PACRG: variants seen among roughly 807,000 people sequenced by gnomAD.
The protein encoded by PACRG is parkin coregulated gene protein.
A neutral mutation model predicts 29.7 loss-of-function variants in PACRG; 29 were observed. That is an observed-to-expected ratio of 0.98 (90% CI 0.73 to 1.33). The LOEUF (loss-of-function observed/expected upper bound fraction) is 1.33. Ranked by LOEUF, PACRG falls within the 40% of genes most tolerant of loss-of-function variation. PACRG has a pLI of 0.00. For missense variants in PACRG, 279 were observed against 316.2 expected (o/e 0.88, Z 0.89); for synonymous variants, 116 against 118.7 (o/e 0.98, Z 0.15).
At chr6:163,228,994 CT>C (rs1338857990) in intron 4 of PACRG, among the ~76,000 whole-genome samples, 1 of 152,220 alleles carries the variant, frequency 6.6e-6, no homozygotes, top group Non-Finnish European at 1.5e-5. Flanking sequence ...GAATCTCCTT[CT>C]GATGTTTTGT....
intron 4 of PACRG, among the ~76,000 whole-genome samples, chr6:163,274,919 G>A (rs1783974724): frequency 7.2e-6 from 1 of 139,166 alleles, no homozygotes; most frequent in Non-Finnish European, 1.5e-5. Flanking sequence ...GAATGATGCA[G>A]TAGCATGATC....
Position 163,312,357 on chromosome 6 carries a change from A to G in PACRG, c.614-2470A>G, listed in dbSNP as rs554664137. ...TGTCACGCAGGGTCCTCCCACCAGC[A>G]CCTCTGTTCAAATCCCCTGTTGCTT... On this transcript the variant is annotated intron_variant, in intron 4 of 4. Coordinates refer to ENST00000366888, the MANE Select transcript of PACRG (RefSeq NM_001080379.2). Among the ~76,000 whole-genome samples the G allele has an allele frequency of 9.2e-5, 14 of 152,124 alleles. 1 individual carries two copies. In the South Asian group the frequency reaches 2.7e-3, roughly 29 times the overall value.
intron 2 of PACRG, among the ~76,000 whole-genome samples, chr6:162,947,595 C>CATATATATATATATAT (rs59243050): frequency 7.1e-5 from 2 of 27,982 alleles, no homozygotes; most frequent in African/African-American, 2.1e-4. Flanking sequence ...TATATATAAT[C>CATATATATATATATAT]ATATATATAT....
chr6:162,950,402 G>A (rs1436100059), intron 2 of PACRG, among the ~76,000 whole-genome samples: 1 of 152,184 alleles, frequency 6.6e-6, no homozygotes, highest in Non-Finnish European at 1.5e-5. Context: ...CAGCTACTTG[G>A]GAGGCTGAGG....
intron 2 of PACRG, among the ~76,000 whole-genome samples, chr6:162,940,627 C>T (rs995942130): frequency 1.3e-5 from 2 of 152,174 alleles, no homozygotes; most frequent in Non-Finnish European, 2.9e-5. Flanking sequence ...GAAAGTCCCA[C>T]GTGAAGCTCT....
intron 2 of PACRG, among the ~76,000 whole-genome samples, chr6:162,969,135 C>T (rs1326566683): frequency 2.0e-5 from 3 of 150,974 alleles, no homozygotes; most frequent in Non-Finnish European, 1.5e-5. Flanking sequence ...AATAGAGGTC[C>T]GGTAACTAAT....
At chr6:162,729,415 A>G (rs528412414) in intron 1 of PACRG, among the ~76,000 whole-genome samples, 1 of 152,342 alleles carries the variant, frequency 6.6e-6, no homozygotes, top group South Asian at 2.1e-4. Flanking sequence ...CTTAAAATAC[A>G]TGAATGAAAC....
intron 4 of PACRG, among the ~76,000 whole-genome samples, chr6:163,125,626 T>C (rs1366669935): frequency 2.6e-5 from 4 of 152,230 alleles, no homozygotes; most frequent in African/African-American, 7.2e-5. Context: ...AGAAATGAGC[T>C]ACCTCATTAA....
chr6:162,753,429 G>A (rs1453498323), intron 1 of PACRG, among the ~76,000 whole-genome samples: 1 of 152,148 alleles, frequency 6.6e-6, no homozygotes, highest in Non-Finnish European at 1.5e-5. Context: ...GCAAATGACA[G>A]CATTTTGCTC....
At chr6:162,968,696 A>G (rs541870529) in intron 2 of PACRG, among the ~76,000 whole-genome samples, 5 of 152,358 alleles carry the variant, frequency 3.3e-5, no homozygotes, top group South Asian at 4.1e-4. Flanking sequence ...ACATAGGTAT[A>G]TAATATTCAA....
At chr6:162,845,763 G>A (rs1790317985) in intron 2 of PACRG, among the ~76,000 whole-genome samples, 1 of 152,118 alleles carries the variant, frequency 6.6e-6, no homozygotes, top group African/African-American at 2.4e-5. Context: ...TCATAGAAAT[G>A]TTTTAATTTA....
chr6:163,115,243 C>T (rs1230836052), intron 4 of PACRG, among the ~76,000 whole-genome samples: 2 of 152,094 alleles, frequency 1.3e-5, no homozygotes, highest in Admixed American at 6.6e-5. Context: ...TTATACTGGG[C>T]TGGATTCTGT....
intron 2 of PACRG, among the ~76,000 whole-genome samples, chr6:162,957,066 G>C (rs546090247): frequency 6.6e-6 from 1 of 151,688 alleles, no homozygotes; most frequent in Admixed American, 6.6e-5. Context: ...GCAAACATAA[G>C]AACTAGTGAT....
intron 4 of PACRG, among the ~76,000 whole-genome samples, chr6:163,225,684 G>A (rs1435481932): frequency 1.3e-5 from 2 of 152,202 alleles, no homozygotes; most frequent in African/African-American, 2.4e-5. Context: ...GAGATACTGT[G>A]TAATCCAGCA....
At chr6:163,019,543 C>T (rs1324946896) in intron 2 of PACRG, among the ~76,000 whole-genome samples, 1 of 152,096 alleles carries the variant, frequency 6.6e-6, no homozygotes, top group African/African-American at 2.4e-5. Context: ...CACCCGTGAA[C>T]TGGAGCGTGC....
chr6:162,861,601 C>T (rs2128441922), intron 2 of PACRG, among the ~76,000 whole-genome samples: 1 of 152,264 alleles, frequency 6.6e-6, no homozygotes, highest in Non-Finnish European at 1.5e-5. Context: ...ACACAAGGAG[C>T]ACCACAGAGG....
In PACRG at chr6:162,847,022, C is replaced by CACTGCCGTGCTCCTCACGCTG. The variant is rs1229156886; in HGVS notation, c.291+32758_291+32778dup. 2.1e-4 allele frequency among the ~76,000 whole-genome samples: 27 copies of CACTGCCGTGCTCCTCACGCTG among 129,600 alleles called. No homozygotes were observed. The South Asian group carries it at 3.2e-3, about 15-fold the overall frequency. The allele number at this position is 129,600 out of a possible 152,430, so 85.0% of individuals were successfully genotyped here. A position where few individuals can be genotyped will look rare whatever the true frequency, so the allele number is the denominator to read the frequency against. On this transcript the variant is annotated intron_variant, in intron 2 of 4. Transcript: ENST00000366888. ...GCTCCCCACACTGTGATGCCCCCCA[C>CACTGCCGTGCTCCTCACGCTG]ACTGCCGTGCTCCTCACGCTGACTG...
chr6:162,962,884 C>T (rs766595785), intron 2 of PACRG, among the ~76,000 whole-genome samples: 5 of 152,112 alleles, frequency 3.3e-5, no homozygotes, highest in South Asian at 2.1e-4. Context: ...TGACGATGAA[C>T]GTGCCTCTGT....
At chr6:163,045,432 C>A (rs1013112769) in intron 2 of PACRG, among the ~76,000 whole-genome samples, 8 of 152,180 alleles carry the variant, frequency 5.3e-5, no homozygotes, top group African/African-American at 1.9e-4. Flanking sequence ...TCCTCCCATT[C>A]TTCTGCCTCA....
Sources: allele counts gnomAD v4.1 joint callset (sites outside exome capture counted in the v4.1 genomes callset), GRCh38; gene constraint gnomAD v4.1.1; transcripts MANE v1.5; gene names NCBI Gene and HGNC (gene_info 2026-07-23, HGNC 2026-07-21).